The following PTPRD variants were observed in gnomAD, a reference collection of about 807,000 sequenced individuals.
PTPRD encodes the protein protein tyrosine phosphatase receptor type D.
A neutral mutation model predicts 214.5 loss-of-function variants in PTPRD; 34 were observed. That is an observed-to-expected ratio of 0.16 (90% CI 0.12 to 0.21). The LOEUF (loss-of-function observed/expected upper bound fraction) is 0.21, where lower values mean the gene tolerates loss of function less well. Ranked by LOEUF, PTPRD falls within the 10% of genes least tolerant of loss-of-function variation. The pLI is 1.00. For missense variants in PTPRD, 2,545 were observed against 2,398.7 expected (o/e 1.06, Z -1.27); for synonymous variants, 1,128 against 845.7 (o/e 1.33, Z -5.79).
At chr9:10,477,509 A>G (rs1451144537) in intron 2 of PTPRD, among the ~76,000 whole-genome samples, 1 of 152,190 alleles carries the variant, frequency 6.6e-6, no homozygotes, top group Non-Finnish European at 1.5e-5. Context: ...GTGGAGAAAT[A>G]AGAATGCTTT....
chr9:8,735,240 T>C (rs2089966450), intron 11 of PTPRD, among the ~76,000 whole-genome samples: 1 of 149,584 alleles, frequency 6.7e-6, no homozygotes, highest in Non-Finnish European at 1.5e-5. Flanking sequence ...GCTTCCCAGG[T>C]TCAAGTGGTT....
At chr9:9,433,510 C>T (rs990312935) in intron 8 of PTPRD, among the ~76,000 whole-genome samples, 1 of 151,848 alleles carries the variant, frequency 6.6e-6, no homozygotes, top group African/African-American at 2.4e-5. Context: ...CTTGTTTTTC[C>T]TGTTTTGACT....
intron 12 of PTPRD, among the ~76,000 whole-genome samples, chr9:8,703,215 T>A (rs1037536331): frequency 8.5e-5 from 13 of 152,290 alleles, no homozygotes; most frequent in African/African-American, 3.1e-4. Context: ...TTTGAGGAGA[T>A]CAGCAGGAAA....
At chr9:8,604,425 C>G (rs1017396502) in intron 14 of PTPRD, among the ~76,000 whole-genome samples, 13 of 152,152 alleles carry the variant, frequency 8.5e-5, no homozygotes, top group African/African-American at 3.1e-4. Context: ...AATACAAGCA[C>G]AGCATGATAT....
At chr9:8,986,525 G>A (rs1589335605) in intron 11 of PTPRD, among the ~76,000 whole-genome samples, 1 of 142,890 alleles carries the variant, frequency 7.0e-6, no homozygotes, top group Non-Finnish European at 1.5e-5. Flanking sequence ...TCATTCAACA[G>A]TTTATCATAA....
At chr9:9,601,030 A>G (rs929291502) in intron 7 of PTPRD, among the ~76,000 whole-genome samples, 1 of 151,704 alleles carries the variant, frequency 6.6e-6, no homozygotes, top group African/African-American at 2.4e-5. Flanking sequence ...GAAGAACACA[A>G]TGCTGACAAA....
intron 36 of PTPRD, among the ~76,000 whole-genome samples, chr9:8,403,616 G>C (rs931414292): frequency 6.6e-6 from 1 of 152,190 alleles, no homozygotes; most frequent in East Asian, 1.9e-4. Context: ...GATCCGTCAT[G>C]AATCCTTAAT....
At chr9:9,116,538 G>A (rs1178509867) in intron 10 of PTPRD, among the ~76,000 whole-genome samples, 1 of 152,008 alleles carries the variant, frequency 6.6e-6, no homozygotes, top group Non-Finnish European at 1.5e-5. Context: ...TGGGTGATGG[G>A]TACACTAAAA....
intron 11 of PTPRD, among the ~76,000 whole-genome samples, chr9:8,880,648 T>C (rs954663498): frequency 2.0e-5 from 3 of 152,202 alleles, no homozygotes; most frequent in Non-Finnish European, 4.4e-5. Context: ...ACTCATGCTG[T>C]TATTCCTCAT....
chr9:8,387,740 A>G (rs1468154257), intron 37 of PTPRD, among the ~76,000 whole-genome samples: 1 of 152,184 alleles, frequency 6.6e-6, no homozygotes, highest in East Asian at 1.9e-4. Context: ...TCTGGGCCCC[A>G]GTATACTCAT....
intron 7 of PTPRD, among the ~76,000 whole-genome samples, chr9:9,623,065 C>T (rs929130140): frequency 3.3e-5 from 5 of 152,162 alleles, no homozygotes; most frequent in Non-Finnish European, 5.9e-5. Context: ...GCTGGGGAGA[C>T]ATAGCTAAAT....
chr9:9,879,520 T>C (rs2153733899), intron 5 of PTPRD, among the ~76,000 whole-genome samples: 1 of 152,344 alleles, frequency 6.6e-6, no homozygotes, highest in Non-Finnish European at 1.5e-5. Flanking sequence ...GGGTAAATTC[T>C]GAGGATTGAA....
intron 4 of PTPRD, among the ~76,000 whole-genome samples, chr9:10,018,768 C>G (rs2096781335): frequency 1.3e-5 from 2 of 151,396 alleles, no homozygotes; most frequent in Admixed American, 6.6e-5. Flanking sequence ...CCGGGATGGT[C>G]TCGATCTCCT....
chr9:8,449,688 A>G (rs2133450078), intron 34 of PTPRD, 37 bp downstream of exon 34: 1 of 1,583,160 alleles, frequency 6.3e-7, no homozygotes, highest in Non-Finnish European at 8.7e-7. Flanking sequence ...ACTTCTGGGA[A>G]AGACTGTGTG....
intron 2 of PTPRD, among the ~76,000 whole-genome samples, chr9:10,388,706 T>C (rs2097981586): frequency 6.6e-6 from 1 of 151,910 alleles, no homozygotes; most frequent in Non-Finnish European, 1.5e-5. Flanking sequence ...GTCCTGCCTA[T>C]TGATCACTGT....
At chr9:8,891,463 G>A (rs10815989) in intron 11 of PTPRD, among the ~76,000 whole-genome samples, 100,091 of 150,792 alleles carry the variant, frequency 0.66, 33,253 homozygotes, top group East Asian at 0.74. Context: ...TAAGGTAAGC[G>A]TTCTTTAACA....
chr9:10,565,088 C>A (rs1355599548), intron 2 of PTPRD, among the ~76,000 whole-genome samples: 1 of 151,974 alleles, frequency 6.6e-6, no homozygotes, highest in Non-Finnish European at 1.5e-5. Flanking sequence ...CATTTGCCTA[C>A]AGACACTGTG....
intron 11 of PTPRD, among the ~76,000 whole-genome samples, chr9:8,972,820 C>T (rs1041924893): frequency 1.3e-5 from 2 of 151,860 alleles, no homozygotes; most frequent in Non-Finnish European, 2.9e-5. Flanking sequence ...TGCAAGCTGT[C>T]CTGAGACATA....
At chr9:8,566,305 C>G (rs528905402) in intron 14 of PTPRD, among the ~76,000 whole-genome samples, 1 of 152,030 alleles carries the variant, frequency 6.6e-6, no homozygotes, top group African/African-American at 2.4e-5. Flanking sequence ...ATTGCTGTTT[C>G]GAAATCTGTA....
Sources: gnomAD v4.1 joint callset for allele counts (sites outside exome capture counted in the v4.1 genomes callset) on GRCh38, gnomAD v4.1.1 for gene constraint, MANE v1.5 for transcripts, NCBI Gene and HGNC (gene_info 2026-07-23, HGNC 2026-07-21) for gene names.